Variants in ZNRF1 observed in about 807,000 individuals in gnomAD.
The protein encoded by ZNRF1 is E3 ubiquitin-protein ligase ZNRF1.
A neutral mutation model predicts 18.4 loss-of-function variants in ZNRF1; 3 were observed. That is an observed-to-expected ratio of 0.16 (90% CI 0.07 to 0.42). ZNRF1 has a LOEUF of 0.42. Ranked by LOEUF, ZNRF1 falls within the 10% of genes least tolerant of loss-of-function variation. The pLI is 0.99. For missense variants in ZNRF1, 310 were observed against 329.8 expected (o/e 0.94, Z 0.47); for synonymous variants, 157 against 144.2 (o/e 1.09, Z -0.64).
chr16:75,071,098 CTT>C (rs56690008), intron 1 of ZNRF1, among the ~76,000 whole-genome samples: 3 of 143,464 alleles, frequency 2.1e-5, no homozygotes, highest in African/African-American at 2.6e-5. Context: ...GCACAGGTGT[CTT>C]TTTTTTTTTT....
At chr16:75,104,973 GT>G in intron 3 of ZNRF1, 84 bp downstream of exon 3, 1 of 1,165,082 alleles carries the variant, frequency 8.6e-7, no homozygotes, top group Non-Finnish European at 1.2e-6. Flanking sequence ...GTCTCCTTTG[GT>G]TATGGGATGA....
intron 1 of ZNRF1, among the ~76,000 whole-genome samples, chr16:75,070,253 G>A (rs1019994494): frequency 2.0e-5 from 3 of 152,168 alleles, no homozygotes; most frequent in Admixed American, 6.5e-5. Context: ...CAGCAGGGCC[G>A]CCTAGCCCAG....
intron 1 of ZNRF1, among the ~76,000 whole-genome samples, chr16:75,091,052 C>T (rs1230063209): frequency 6.6e-6 from 1 of 152,128 alleles, no homozygotes; most frequent in African/African-American, 2.4e-5. Flanking sequence ...CACCCAGCCA[C>T]ATTCAGCCTT....
At position 75,015,825 on chromosome 16, in the gene ZNRF1, A is replaced by T. The variant is rs377303617; in HGVS notation, c.424+15730A>T. ...TAAATTAGAATGGGGCAAGATAGGG[A>T]TATATATATTTTTCCATATGTGAAT... On this transcript the variant is annotated intron_variant, in intron 1 of 4. Coordinates refer to ENST00000335325, the MANE Select transcript of ZNRF1 (RefSeq NM_032268.5). Among the ~76,000 whole-genome samples the T allele has an allele frequency of 1.8e-4, 27 of 152,118 alleles. No individual in the cohort carries two copies. In the East Asian group the frequency reaches 3.5e-3, roughly 20 times the overall value.
chr16:75,084,889 C>T (rs936282844), intron 1 of ZNRF1, among the ~76,000 whole-genome samples: 4 of 152,160 alleles, frequency 2.6e-5, no homozygotes, highest in African/African-American at 7.2e-5. Flanking sequence ...AAATTTCAAA[C>T]GTTTGGAAAA....
intron 3 of ZNRF1, chr16:75,106,143 T>G: frequency 1.1e-5 from 3 of 262,196 alleles, no homozygotes; most frequent in Non-Finnish European, 2.3e-5. Context: ...CCCTGAGGGG[T>G]CCACCGCTCT....
At chr16:75,010,631 C>T (rs1168479124) in intron 1 of ZNRF1, among the ~76,000 whole-genome samples, 1 of 151,550 alleles carries the variant, frequency 6.6e-6, no homozygotes, top group Admixed American at 6.6e-5. Flanking sequence ...GTAGCTTGAG[C>T]CCTCTGAAAA....
At chr16:75,045,716 C>CTTTTT (rs895489865) in intron 1 of ZNRF1, among the ~76,000 whole-genome samples, 1 of 130,374 alleles carries the variant, frequency 7.7e-6, no homozygotes, top group Non-Finnish European at 1.6e-5. Context: ...TCTTCTTCGT[C>CTTTTT]TTTTTTTTTT....
chr16:75,066,610 C>T (rs540651997), intron 1 of ZNRF1, among the ~76,000 whole-genome samples: 1 of 152,194 alleles, frequency 6.6e-6, no homozygotes, highest in East Asian at 1.9e-4. Flanking sequence ...TCAAGCAATT[C>T]TCCTGTCTCA....
intron 2 of ZNRF1, among the ~76,000 whole-genome samples, chr16:75,101,763 C>T (rs1472604196): frequency 1.3e-5 from 2 of 152,218 alleles, no homozygotes; most frequent in Non-Finnish European, 2.9e-5. Flanking sequence ...TTCTCCAAGT[C>T]CTCCTTTCCT....
intron 1 of ZNRF1, among the ~76,000 whole-genome samples, chr16:75,071,257 A>G (rs1189927343): frequency 2.0e-5 from 3 of 151,874 alleles, no homozygotes; most frequent in African/African-American, 4.8e-5. Context: ...CCACCACCAC[A>G]CCTGGCTAAT....
At chr16:75,099,523 C>T (rs947729418) in intron 2 of ZNRF1, among the ~76,000 whole-genome samples, 3 of 152,220 alleles carry the variant, frequency 2.0e-5, no homozygotes, top group African/African-American at 7.2e-5. Flanking sequence ...GCCAAACACA[C>T]TTCCAAGCTC....
At chr16:75,039,057 T>C (rs1158621840) in intron 1 of ZNRF1, among the ~76,000 whole-genome samples, 3 of 152,212 alleles carry the variant, frequency 2.0e-5, no homozygotes, top group East Asian at 1.9e-4. Flanking sequence ...AATTGAACCA[T>C]TGAAAATGGC....
chr16:75,013,349 AT>A (rs375093001), intron 1 of ZNRF1, among the ~76,000 whole-genome samples: 106 of 144,078 alleles, frequency 7.4e-4, no homozygotes, highest in East Asian at 1.0e-3. Flanking sequence ...TGTCCATTCA[AT>A]TTTTTTTTTT....
At chr16:75,064,120 G>A (rs2035774690) in intron 1 of ZNRF1, among the ~76,000 whole-genome samples, 2 of 151,912 alleles carry the variant, frequency 1.3e-5, no homozygotes, top group Admixed American at 6.6e-5. Flanking sequence ...GGAACATGGT[G>A]AAACCCCATC....
intron 1 of ZNRF1, among the ~76,000 whole-genome samples, chr16:75,007,159 G>A (rs112811209): frequency 2.6e-5 from 4 of 151,696 alleles, no homozygotes; most frequent in African/African-American, 9.7e-5. Context: ...TAGGGCTCAA[G>A]CGATCCTCCT....
At position 75,026,258 on chromosome 16, in the gene ZNRF1, A is replaced by T. The variant is rs140520824; in HGVS notation, c.424+26163A>T. 4.0e-4 allele frequency among the ~76,000 whole-genome samples: 60 copies of T among 149,050 alleles called. 1 individual carries two copies. The highest frequency in any genetic ancestry group is 3.5e-3 in the Middle Eastern group (1 of 284). ...AAAGAAAAACATTCTAAGGTTATTT[A>T]TTTTTTTTTTTAAGCTGTTGCTGTT... On this transcript the variant is annotated intron_variant, in intron 1 of 4. Transcript: ENST00000335325.
chr16:75,011,759 T>A (rs2035003637), intron 1 of ZNRF1, among the ~76,000 whole-genome samples: 1 of 152,220 alleles, frequency 6.6e-6, no homozygotes, highest in African/African-American at 2.4e-5. Flanking sequence ...CCCAGTCATG[T>A]TGGCTGTGTT....
At chr16:75,039,297 A>G (rs1325222831) in intron 1 of ZNRF1, among the ~76,000 whole-genome samples, 1 of 152,044 alleles carries the variant, frequency 6.6e-6, no homozygotes, top group African/African-American at 2.4e-5. Context: ...TTTAATGTGG[A>G]AGCATATTTA....
Sources: allele counts gnomAD v4.1 joint callset (sites outside exome capture counted in the v4.1 genomes callset), GRCh38; gene constraint gnomAD v4.1.1; transcripts MANE v1.5; gene names NCBI Gene and HGNC (gene_info 2026-07-23, HGNC 2026-07-21).